Variants in CALD1 observed in about 807,000 individuals in gnomAD.
CALD1 encodes caldesmon.
In CALD1, 33 loss-of-function variants were observed where a neutral mutation model predicts 99.9. The ratio of observed to expected loss-of-function variants is 0.33; its 90% confidence interval spans 0.25 to 0.44. CALD1 has a LOEUF of 0.44. CALD1 is among the 20% of genes least tolerant of loss of function. CALD1 has a pLI of 1.00. For synonymous variants in CALD1, 310 were observed against 325.0 expected (o/e 0.95, Z 0.50); for missense variants, 861 against 962.1 (o/e 0.89, Z 1.39).
intron 1 of CALD1, among the ~76,000 whole-genome samples, chr7:134,833,238 A>C (rs1799302398): frequency 6.6e-6 from 1 of 152,224 alleles, no homozygotes; most frequent in African/African-American, 2.4e-5. Flanking sequence ...TTTTTTTGGC[A>C]TATGAATGGA....
In CALD1 at chr7:134,933,052, G is replaced by A. The variant is rs1426082630; in HGVS notation, c.283G>A (p.Ala95Thr). The A allele has an allele frequency of 3.7e-6, 6 of 1,613,714 alleles. No individual in the cohort carries two copies. The highest frequency in any genetic ancestry group is 2.2e-5 in the South Asian group (2 of 91,046). The stretch of plus-strand genomic sequence containing the variant: ...TCAAGTGGAAGGGGATGATGAGGCC[G>A]CATTCCTGGAGCGCCTGGCTCGGCG... ...NTQVEGDDEA[A>T]FLERLARREE... is the part of the protein sequence containing the mutation. The change falls in exon 5 of 15, where the codon GCA (alanine) becomes ACA (threonine). Residue 95 changes from alanine (A) to threonine (T), a missense_variant. Ala to Thr is a moderately conservative substitution (Grantham distance 58, BLOSUM62 0). Coordinates refer to ENST00000361675, the MANE Select transcript of CALD1 (RefSeq NM_033138.4).
chr7:134,855,104 A>G (rs1316997006), intron 2 of CALD1, among the ~76,000 whole-genome samples: 1 of 152,210 alleles, frequency 6.6e-6, no homozygotes, highest in African/African-American at 2.4e-5. Flanking sequence ...CTGCAGAATC[A>G]TGATCCAATT....
rs781338339 is a variant in CALD1 at position 134,821,546 on chromosome 7, TACTTTTTTGGGGTTA to T, written c.-129-22330_-129-22316del. ...AGGTGATTTTTTTTAATGTTCTTTATACTTTTTTGGGGTTAACTTTTTAAAAGAGTCAACGACATT... is the reference window on the plus strand; with the variant it reads ...AGGTGATTTTTTTTAATGTTCTTTATACTTTTTAAAAGAGTCAACGACATT... On this transcript the variant is annotated intron_variant, in intron 1 of 14. Transcript: ENST00000361675. Among the ~76,000 whole-genome samples the T allele has an allele frequency of 9.8e-4, 149 of 152,026 alleles. 1 individual carries two copies. Among genetic ancestry groups the T allele is most frequent in the Middle Eastern group, 6.8e-3 (2 of 294 alleles).
chr7:134,838,248 A>C (rs1799521335), intron 1 of CALD1, among the ~76,000 whole-genome samples: 1 of 152,228 alleles, frequency 6.6e-6, no homozygotes. Flanking sequence ...ATATCCCATA[A>C]AAATCAAGAG....
chr7:134,950,559 T>A (rs1218257975), intron 9 of CALD1, 45 bp downstream of exon 9: 1 of 1,516,146 alleles, frequency 6.6e-7, no homozygotes, highest in South Asian at 1.1e-5. Context: ...TGATAGAGAC[T>A]GGATTTTAGC....
the CALD1 span, among the ~76,000 whole-genome samples, chr7:134,716,525 T>C: frequency 6.6e-6 from 1 of 152,212 alleles, no homozygotes; most frequent in South Asian, 2.1e-4. Flanking sequence ...AAGAAACTTT[T>C]AGATGTTTGA....
intron 1 of CALD1, among the ~76,000 whole-genome samples, chr7:134,816,410 C>T (rs938613066): frequency 1.3e-5 from 2 of 152,162 alleles, no homozygotes; most frequent in African/African-American, 4.8e-5. Context: ...TTAATTTTCA[C>T]ATGCTGGAAA....
intron 1 of CALD1, among the ~76,000 whole-genome samples, chr7:134,788,153 A>C (rs894765756): frequency 3.9e-5 from 6 of 152,192 alleles, no homozygotes; most frequent in African/African-American, 7.2e-5. Context: ...ACAATTAAAC[A>C]CATTATATGA....
At chr7:134,812,151 T>C (rs779056960) in intron 1 of CALD1, among the ~76,000 whole-genome samples, 12 of 152,208 alleles carry the variant, frequency 7.9e-5, no homozygotes, top group Non-Finnish European at 1.8e-4. Context: ...TAACAACTTA[T>C]CAAATATTTG....
At chr7:134,954,355 G>A (rs1807604736) in intron 9 of CALD1, among the ~76,000 whole-genome samples, 1 of 152,164 alleles carries the variant, frequency 6.6e-6, no homozygotes, top group Non-Finnish European at 1.5e-5. Context: ...TAAAACGAAT[G>A]GTGTGCTTTT....
At chr7:134,949,661 T>C (rs1051312260) in intron 8 of CALD1, among the ~76,000 whole-genome samples, 1 of 152,204 alleles carries the variant, frequency 6.6e-6, no homozygotes, top group Admixed American at 6.5e-5. Context: ...TCATTTGTCT[T>C]CACAACTCTC....
At position 134,970,205 on chromosome 7, in the gene CALD1, G is replaced by A. The variant is rs1808952219; in HGVS notation, c.*1860G>A. 2 of 152,220 alleles carry A rather than the reference G, an allele frequency of 1.3e-5. No individual in the cohort carries two copies. The highest frequency in any genetic ancestry group is 4.1e-4 in the South Asian group (2 of 4,834). 9.4% of individuals were successfully genotyped at this position (152,220 alleles called of 1,614,324 possible). On this transcript the variant is annotated 3_prime_UTR_variant, in exon 15 of 15. Coordinates refer to ENST00000361675, the MANE Select transcript of CALD1 (RefSeq NM_033138.4). ...TTTACAAATACAAGTGTCCCAGGTA[G>A]CATTGACTCCCGTCATTGGAGTGAA...
chr7:134,739,804 G>A (rs1380814144), upstream of CALD1, among the ~76,000 whole-genome samples: 1 of 151,990 alleles, frequency 6.6e-6, no homozygotes, highest in African/African-American at 2.4e-5. Context: ...GATTTTGGAG[G>A]CTCTTTGTTG....
chr7:134,759,442 A>G (rs78039082), intron 1 of CALD1, among the ~76,000 whole-genome samples: 5,789 of 152,280 alleles, frequency 0.038, 379 homozygotes, highest in African/African-American at 0.13. Context: ...GAGGGGAGCT[A>G]GCTGGACACA....
At chr7:134,762,676 C>G (rs1469473229) in intron 1 of CALD1, among the ~76,000 whole-genome samples, 2 of 152,082 alleles carry the variant, frequency 1.3e-5, no homozygotes, top group Non-Finnish European at 2.9e-5. Context: ...GGGAGACAGA[C>G]AGCAGGGAGA....
rs747869519 is a variant in CALD1, at chr7:134,965,290, G to T, written c.2296-16G>T. 1 of 1,417,084 alleles carries T rather than the reference G, an allele frequency of 7.1e-7. No individual in the cohort carries two copies. The highest frequency in any genetic ancestry group is 1.0e-6 in the Non-Finnish European group (1 of 1,000,514). The allele number at this position is 1,417,084 out of a possible 1,614,324, so 87.8% of individuals were successfully genotyped here. A position where few individuals can be genotyped will look rare whatever the true frequency, so the allele number is the denominator to read the frequency against. On this transcript the variant is annotated splice_polypyrimidine_tract_variant and intron_variant, in intron 13 of 14. Coordinates refer to ENST00000361675, the MANE Select transcript of CALD1 (RefSeq NM_033138.4). The stretch of plus-strand genomic sequence containing the variant: ...AATGGCCACCTATCGATGTTTTTCT[G>T]CTTCCTTTTTATCAGGACTTGAGAC...
intron 3 of CALD1, among the ~76,000 whole-genome samples, chr7:134,924,475 G>T (rs1804844103): frequency 6.6e-6 from 1 of 151,980 alleles, no homozygotes; most frequent in African/African-American, 2.4e-5. Flanking sequence ...TGTTTGCTTT[G>T]CTTGCCTAAC....
intron 12 of CALD1, 133 bp from the exon 13 acceptor site, chr7:134,960,400 T>G (rs771903872): frequency 1.9e-5 from 13 of 683,698 alleles, no homozygotes; most frequent in Non-Finnish European, 1.8e-5. Flanking sequence ...TAACATATTC[T>G]GTAAATATCA....
At position 134,935,701 on chromosome 7, in the gene CALD1, G is replaced by T; in HGVS notation, c.1322G>T (p.Gly441Val). 6.2e-7 allele frequency: 1 copy of T among 1,604,670 alleles called. No individual in the cohort carries two copies. The highest frequency in any genetic ancestry group is 1.1e-5 in the South Asian group (1 of 88,784). Residue 441 changes from glycine (G) to valine (V), a missense_variant, in exon 6 of 15, where the codon GGA (glycine) becomes GTA (valine). Around this residue, in one of 5 missense-constraint regions of CALD1, gnomAD observed 293 missense variants for 262.7 expected, o/e 1.12. Transcript: ENST00000361675. ...AVLKKQGEEK[G>V]TKVQAKREKL... ...GAAAATAAAAAGGGAGAAGAGAAGG[G>T]AACTAAAGTGCAAGCTAAAAGAGAA...
Sources: gnomAD v4.1 joint callset for allele counts (sites outside exome capture counted in the v4.1 genomes callset) on GRCh38, gnomAD v4.1.1 for gene constraint, gnomAD v4.1.1 regional missense constraint, MANE v1.5 for transcripts, NCBI Gene and HGNC (gene_info 2026-07-23, HGNC 2026-07-21) for gene names.